RAI1: variants seen among roughly 807,000 people sequenced by gnomAD.
RAI1 encodes retinoic acid-induced protein 1.
A neutral mutation model predicts 123.8 loss-of-function variants in RAI1; 9 were observed. That is an observed-to-expected ratio of 0.07 (90% confidence interval 0.04 to 0.13). The LOEUF is 0.13. Among genes scored for constraint, RAI1 ranks in the 10% least tolerant of loss-of-function variants. RAI1 has a pLI of 1.00. For synonymous variants in RAI1, 1,231 were observed against 1,127.3 expected, an observed-to-expected ratio of 1.09 and a Z score of -1.84; for missense variants, 2,256 against 2,545.8, an observed-to-expected ratio of 0.89 and a Z score of 2.45.
intron 2 of RAI1, among the ~76,000 whole-genome samples, chr17:17,757,048 C>A (rs1021023350): frequency 3.3e-5 from 5 of 152,176 alleles, no homozygotes; most frequent in Non-Finnish European, 1.5e-5. Context: ...TCAGGCTGGC[C>A]ACCTCCATTT....
intron 3 of RAI1, 28 bp downstream of exon 3, chr17:17,798,541 G>A: frequency 6.3e-7 from 1 of 1,597,172 alleles, no homozygotes; most frequent in Non-Finnish European, 8.5e-7. Context: ...CCAGGGTGGG[G>A]AGTGTGGGGT....
intron 2 of RAI1, among the ~76,000 whole-genome samples, chr17:17,749,447 TCCAGGAG>T (rs1442783869): frequency 6.6e-6 from 1 of 152,222 alleles, no homozygotes; most frequent in Non-Finnish European, 1.5e-5. Context: ...TGAATGAGCA[TCCAGGAG>T]CACTTCGAGT....
intron 2 of RAI1, among the ~76,000 whole-genome samples, chr17:17,750,465 T>C (rs1006862415): frequency 2.0e-5 from 3 of 152,092 alleles, no homozygotes; most frequent in African/African-American, 7.2e-5. Flanking sequence ...CTCATGCCTG[T>C]AATCCCAGCA....
At chr17:17,758,891 G>T (rs1313131085) in intron 2 of RAI1, among the ~76,000 whole-genome samples, 1 of 152,204 alleles carries the variant, frequency 6.6e-6, no homozygotes, top group East Asian at 1.9e-4. Context: ...CTGACAGGTG[G>T]ATTACAGGCT....
At chr17:17,692,646 T>A (rs543263572) in intron 1 of RAI1, among the ~76,000 whole-genome samples, 2 of 152,202 alleles carry the variant, frequency 1.3e-5, no homozygotes, top group Non-Finnish European at 2.9e-5. Context: ...TGAAATAATA[T>A]TGTGACCTTG....
chr17:17,739,419 G>C (rs1425432165), intron 2 of RAI1, among the ~76,000 whole-genome samples: 1 of 152,220 alleles, frequency 6.6e-6, no homozygotes, highest in African/African-American at 2.4e-5. Context: ...TTGCTTAGCA[G>C]CCCTGACCAG....
At chr17:17,709,173 C>T (rs187918198) in intron 1 of RAI1, among the ~76,000 whole-genome samples, 106 of 152,294 alleles carry the variant, frequency 7.0e-4, no homozygotes, top group Non-Finnish European at 1.3e-3. Context: ...GTGCCGGGCA[C>T]TGTGCTGAGA....
chr17:17,790,841 C>T (rs1042154819), intron 2 of RAI1, among the ~76,000 whole-genome samples: 2 of 152,146 alleles, frequency 1.3e-5, no homozygotes, highest in African/African-American at 2.4e-5. Flanking sequence ...GGCACAGGCC[C>T]GCCTGGGCTG....
chr17:17,802,885 A>G (rs557473439), intron 3 of RAI1, among the ~76,000 whole-genome samples: 1 of 152,046 alleles, frequency 6.6e-6, no homozygotes, highest in Non-Finnish European at 1.5e-5. Flanking sequence ...GGAGTTCGAG[A>G]CCAGCCTGGC....
rs527629943 is a variant in RAI1, at chr17:17,783,542, G to A, written c.-16-9391G>A. Among the ~76,000 whole-genome samples, 157 of 152,302 alleles carry A rather than the reference G, an allele frequency of 1.0e-3. 1 individual carries two copies. The highest frequency in any genetic ancestry group is 3.7e-3 in the African/African-American group (154 of 41,572). On this transcript the variant is annotated intron_variant, in intron 2 of 5. Coordinates refer to ENST00000353383, the MANE Select transcript of RAI1 (RefSeq NM_030665.4). ...CGGCTGAAACATCTGTTGCAGAGGG[G>A]CGGAGAGGCCGCAACAACCCCCACA... is the stretch of plus-strand genomic sequence containing the variant.
In RAI1 at chr17:17,795,341, C is replaced by T. The variant is rs1319458335; in HGVS notation, c.2393C>T (p.Pro798Leu). ...TGCCTGGGCTTCCAGGAGGAGGACCCCCCTGGGGAGAAGGTGGCCTCGTTG... is the reference window on the plus strand; with the variant it reads ...TGCCTGGGCTTCCAGGAGGAGGACCTCCCTGGGGAGAAGGTGGCCTCGTTG... ...SACLGFQEED[P>L]PGEKVASLPG... Residue 798 changes from proline to leucine, a missense_variant, in exon 3 of 6, where the codon CCC becomes CTC. This residue lies in a region of RAI1 where 566 missense variants were observed against 616.0 expected (regional missense o/e 0.92). Transcript: ENST00000353383. The surrounding 1 kb of genome is among the most constrained non-coding windows in gnomAD (Gnocchi z 5.9). 1 of 1,601,938 alleles carries T rather than the reference C, an allele frequency of 6.2e-7. No individual in the cohort carries two copies. The highest frequency in any genetic ancestry group is 8.5e-7 in the Non-Finnish European group (1 of 1,171,904).
Position 17,797,684 on chromosome 17 carries a change from A to G in RAI1, c.4736A>G (p.Tyr1579Cys). 6.2e-7 allele frequency: 1 copy of G among 1,613,674 alleles called. No homozygotes were observed. The highest frequency in any genetic ancestry group is 8.5e-7 in the Non-Finnish European group (1 of 1,179,824). ...GCAGAGCCTGAAATCCGCCTCAAGT[A>G]CATTTCCTCTTGCAAGCGGCTGAGG... ...DPAEPEIRLKYISSCKRLRSD... is the reference protein window; with the variant it reads ...DPAEPEIRLKCISSCKRLRSD... Residue 1579 changes from tyrosine (Y) to cysteine (C), a missense_variant, in exon 3 of 6, where the codon TAC becomes TGC. Around this residue, in one of 7 missense-constraint regions of RAI1, gnomAD observed 410 missense variants for 374.6 expected, o/e 1.09. Transcript: ENST00000353383.
intron 1 of RAI1, among the ~76,000 whole-genome samples, chr17:17,697,794 G>A (rs1044118776): frequency 2.0e-5 from 3 of 152,212 alleles, no homozygotes; most frequent in Non-Finnish European, 4.4e-5. Context: ...GGGGAAATGA[G>A]CTGAGGGTAT....
At chr17:17,741,048 C>G (rs536485044) in intron 2 of RAI1, among the ~76,000 whole-genome samples, 1 of 152,052 alleles carries the variant, frequency 6.6e-6, no homozygotes, top group East Asian at 1.9e-4. Context: ...GTCAGAGCAT[C>G]CGGAGTGTGG....
intron 2 of RAI1, among the ~76,000 whole-genome samples, chr17:17,728,777 C>T (rs1052009398): frequency 6.6e-6 from 1 of 152,228 alleles, no homozygotes. Flanking sequence ...AAGTGACATG[C>T]TTGAGGTCAT....
At chr17:17,700,755 C>T (rs753533278) in intron 1 of RAI1, among the ~76,000 whole-genome samples, 31 of 152,244 alleles carry the variant, frequency 2.0e-4, no homozygotes, top group African/African-American at 6.5e-4. Context: ...AATTTATCGC[C>T]CTGCCTCGGC....
chr17:17,699,935 G>A (rs1371680727), intron 1 of RAI1, among the ~76,000 whole-genome samples: 1 of 152,202 alleles, frequency 6.6e-6, no homozygotes, highest in Non-Finnish European at 1.5e-5. Context: ...TGTGGCTTGT[G>A]GGACCTTGGG....
At chr17:17,696,879 C>G (rs973945392) in intron 1 of RAI1, among the ~76,000 whole-genome samples, 1 of 152,246 alleles carries the variant, frequency 6.6e-6, no homozygotes, top group Non-Finnish European at 1.5e-5. Flanking sequence ...TGGGCACACT[C>G]AGACCCGAGG....
At chr17:17,751,434 A>G (rs1005217268) in intron 2 of RAI1, among the ~76,000 whole-genome samples, 5 of 152,156 alleles carry the variant, frequency 3.3e-5, no homozygotes, top group African/African-American at 1.2e-4. Flanking sequence ...CTGCAGAGGG[A>G]ATGTCTCCTA....
Sources: allele counts gnomAD v4.1 joint callset (sites outside exome capture counted in the v4.1 genomes callset), GRCh38; gene constraint gnomAD v4.1.1; regional missense constraint gnomAD v4.1.1; non-coding constraint Gnocchi (gnomAD v3.1); transcripts MANE v1.5; gene names NCBI Gene and HGNC (gene_info 2026-07-23, HGNC 2026-07-21).